Variants in OPCML observed in about 807,000 individuals in gnomAD.
The protein encoded by OPCML is opioid binding protein/cell adhesion molecule like.
OPCML carries 13 observed loss-of-function variants against 37.8 expected under a neutral mutation model. The observed-to-expected ratio is 0.34, with a 90% CI of 0.22 to 0.55. The LOEUF is 0.55. OPCML is among the 20% of genes least tolerant of loss of function. The pLI is 0.91. For synonymous variants in OPCML, 176 were observed against 168.8 expected (o/e 1.04, Z -0.33); for missense variants, 341 against 435.6 (o/e 0.78, Z 1.93).
At position 132,726,088 on chromosome 11, in the gene OPCML, C is replaced by T. The variant is rs568951731; in HGVS notation, c.147-68769G>A. Among the ~76,000 whole-genome samples, 5 of 152,310 alleles carry T rather than the reference C, an allele frequency of 3.3e-5. No individual in the cohort carries two copies. In the South Asian group the frequency reaches 1.0e-3, roughly 32 times the overall value. ...TCCTGAGCCCTCCAAACTGTTCCAA[C>T]CTCTGCATGTTACCCAGTTCCAAAG... On this transcript the variant is annotated intron_variant, in intron 2 of 7. Coordinates refer to ENST00000524381, the MANE Select transcript of OPCML (RefSeq NM_001012393.5).
At chr11:133,197,892 C>A (rs1036756970) in intron 1 of OPCML, among the ~76,000 whole-genome samples, 1 of 152,086 alleles carries the variant, frequency 6.6e-6, no homozygotes, top group Non-Finnish European at 1.5e-5. Context: ...ATATCTGGGA[C>A]GTTCATAGCC....
rs1942459490 is a variant in OPCML, at chr11:132,864,809, ATTC to A, written c.146+78114_146+78116del. 2.0e-5 allele frequency among the ~76,000 whole-genome samples: 3 copies of A among 152,256 alleles called. No individual in the cohort carries two copies. In the South Asian group the frequency reaches 6.2e-4, roughly 32 times the overall value. ...TTTTTTCTATCTGGGGTTCTATGATATTCTTTGTAAGAATGGTTCCATAACAGC... is the reference window on the plus strand; with the variant it reads ...TTTTTTCTATCTGGGGTTCTATGATATTTGTAAGAATGGTTCCATAACAGC... On this transcript the variant is annotated intron_variant, in intron 2 of 7. Coordinates refer to ENST00000524381, the MANE Select transcript of OPCML (RefSeq NM_001012393.5).
intron 4 of OPCML, among the ~76,000 whole-genome samples, chr11:132,527,956 A>G (rs866594909): frequency 6.6e-6 from 1 of 152,196 alleles, no homozygotes; most frequent in Non-Finnish European, 1.5e-5. Flanking sequence ...AAGCAATGCC[A>G]GTGATTACCA....
intron 1 of OPCML, among the ~76,000 whole-genome samples, chr11:133,490,175 A>T (rs777643455): frequency 7.9e-5 from 12 of 152,180 alleles, no homozygotes; most frequent in Non-Finnish European, 1.6e-4. Context: ...CACTGTGCCC[A>T]GGACGCATGC....
chr11:133,340,531 A>G (rs1207744204), intron 1 of OPCML, among the ~76,000 whole-genome samples: 4 of 151,996 alleles, frequency 2.6e-5, no homozygotes, highest in Non-Finnish European at 5.9e-5. Flanking sequence ...AAAAGCTTGT[A>G]TATTTCCCTC....
chr11:132,768,426 T>C (rs1441068066), intron 2 of OPCML, among the ~76,000 whole-genome samples: 1 of 152,186 alleles, frequency 6.6e-6, no homozygotes, highest in African/African-American at 2.4e-5. Flanking sequence ...CTATCCATCG[T>C]CCAAAATATG....
intron 3 of OPCML, among the ~76,000 whole-genome samples, chr11:132,614,030 T>A (rs1938829417): frequency 6.6e-6 from 1 of 152,120 alleles, no homozygotes; most frequent in South Asian, 2.1e-4. Flanking sequence ...AATAAATAGA[T>A]GGGATAAAAG....
intron 2 of OPCML, among the ~76,000 whole-genome samples, chr11:132,787,445 T>A (rs1052253993): frequency 2.6e-5 from 4 of 152,192 alleles, no homozygotes; most frequent in African/African-American, 9.6e-5. Context: ...ATTCAGTCCT[T>A]ACTAATTGAG....
At position 133,461,324 on chromosome 11, in the gene OPCML, T is replaced by A. The variant is rs569272885; in HGVS notation, c.61+70940A>T. Among the ~76,000 whole-genome samples the A allele has an allele frequency of 3.3e-5, 5 of 151,900 alleles. No homozygotes were observed. The East Asian group carries it at 9.7e-4, about 29-fold the overall frequency. ...TGACACCATCTTATAGGTAAAAAACTCTAAATGTCACACATATGCACCCAC... is the reference window on the plus strand; with the variant it reads ...TGACACCATCTTATAGGTAAAAAACACTAAATGTCACACATATGCACCCAC... On this transcript the variant is annotated intron_variant, in intron 1 of 7. Transcript: ENST00000524381.
chr11:132,620,714 T>A (rs1396973580), intron 3 of OPCML, among the ~76,000 whole-genome samples: 1 of 152,154 alleles, frequency 6.6e-6, no homozygotes, highest in Non-Finnish European at 1.5e-5. Context: ...AAAGAACAGA[T>A]AGAGAATGCG....
intron 1 of OPCML, among the ~76,000 whole-genome samples, chr11:132,963,010 C>A (rs754211634): frequency 6.6e-6 from 1 of 152,132 alleles, no homozygotes; most frequent in African/African-American, 2.4e-5. Context: ...GAATGGGGAC[C>A]TGCAGCCGTG....
chr11:133,510,688 C>T (rs902285601), intron 1 of OPCML, among the ~76,000 whole-genome samples: 1 of 152,090 alleles, frequency 6.6e-6, no homozygotes, highest in African/African-American at 2.4e-5. Context: ...AGGTTGTTAC[C>T]TTGACCCATT....
intron 1 of OPCML, among the ~76,000 whole-genome samples, chr11:133,130,446 A>G (rs906290732): frequency 6.6e-6 from 1 of 152,178 alleles, no homozygotes; most frequent in South Asian, 2.1e-4. Flanking sequence ...AAATACTTAG[A>G]TATAAATCTA....
intron 3 of OPCML, among the ~76,000 whole-genome samples, chr11:132,640,840 G>A (rs773521200): frequency 6.6e-5 from 10 of 152,180 alleles, no homozygotes; most frequent in Non-Finnish European, 1.2e-4. Flanking sequence ...GGCGCTGCAG[G>A]GTGCACTAAA....
At chr11:133,313,784 G>T (rs571972853) in intron 1 of OPCML, among the ~76,000 whole-genome samples, 1 of 152,248 alleles carries the variant, frequency 6.6e-6, no homozygotes, top group South Asian at 2.1e-4. Flanking sequence ...ATGGAGACCC[G>T]AGTTAGATTT....
At chr11:133,377,258 G>C (rs1430182960) in intron 1 of OPCML, among the ~76,000 whole-genome samples, 1 of 152,140 alleles carries the variant, frequency 6.6e-6, no homozygotes, top group Non-Finnish European at 1.5e-5. Flanking sequence ...CTGCGTGGGA[G>C]GGTGTGTGTG....
chr11:133,083,389 C>T lies in OPCML; in HGVS notation c.62-140379G>A, dbSNP rs564047605. Among the ~76,000 whole-genome samples the T allele has an allele frequency of 4.6e-5, 7 of 152,260 alleles. No individual in the cohort carries two copies. The East Asian group carries it at 1.2e-3, about 25-fold the overall frequency. ...CAGCCTGAGTCCCGGATACTGGTGC[C>T]CCTGTCTCGGGTCGCTGGCTGCGGA... On this transcript the variant is annotated intron_variant, in intron 1 of 7. Coordinates refer to ENST00000524381, the MANE Select transcript of OPCML (RefSeq NM_001012393.5).
intron 1 of OPCML, among the ~76,000 whole-genome samples, chr11:133,003,111 A>C (rs1947040247): frequency 6.6e-6 from 1 of 152,240 alleles, no homozygotes; most frequent in African/African-American, 2.4e-5. Flanking sequence ...TTGCTTCATT[A>C]AGTGAATGTT....
chr11:133,511,422 A>G (rs1391740306), intron 1 of OPCML, among the ~76,000 whole-genome samples: 1 of 152,086 alleles, frequency 6.6e-6, no homozygotes, highest in South Asian at 2.1e-4. Context: ...TTATCCTTTA[A>G]AAACCTCTCT....
Sources: allele counts gnomAD v4.1 joint callset (sites outside exome capture counted in the v4.1 genomes callset), GRCh38; gene constraint gnomAD v4.1.1; transcripts MANE v1.5; gene names NCBI Gene and HGNC (gene_info 2026-07-23, HGNC 2026-07-21).